DIPK2A: variants seen among roughly 807,000 people sequenced by gnomAD.
DIPK2A encodes Golgi Protein of 49 kDa.
Under a neutral mutation model 39.0 loss-of-function variants are expected in DIPK2A, and 27 were observed. That is an observed-to-expected ratio of 0.69 (90% CI 0.51 to 0.96). DIPK2A has a LOEUF of 0.96. Among genes scored for constraint, DIPK2A ranks in the 40% least tolerant of loss-of-function variants. The pLI is 0.00. For synonymous variants in DIPK2A, 298 were observed against 240.8 expected, an observed-to-expected ratio of 1.24 and a Z score of -2.20; for missense variants, 528 against 571.3, an observed-to-expected ratio of 0.92 and a Z score of 0.77.
Position 143,972,651 on chromosome 3 carries a change from G to A in DIPK2A, c.319G>A (p.Val107Met), listed in dbSNP as rs755514517. The change falls in exon 1 of 3, where the codon GTG becomes ATG. Residue 107 changes from valine to methionine, a missense_variant. Val to Met is a conservative substitution (Grantham distance 21). Coordinates refer to ENST00000315691, the MANE Select transcript of DIPK2A (RefSeq NM_173552.5). ...GEPREGGRRR[V>M]VLKRLGSQRE... ...GCCCCGCGAGGGCGGCCGCCGCCGA[G>A]TGGTGCTCAAGCGCCTCGGCTCGCA... 1.2e-6 allele frequency: 2 copies of A among 1,611,060 alleles called. No individual in the cohort carries two copies. Among genetic ancestry groups the A allele is most frequent in the African/African-American group, 2.7e-5 (2 of 74,830 alleles).
At chr3:143,989,396 T>C (rs1038973869) in intron 2 of DIPK2A, 114 bp from the exon 3 acceptor site, 1 of 663,556 alleles carries the variant, frequency 1.5e-6, no homozygotes, top group Admixed American at 3.0e-5. Context: ...TATAATATAC[T>C]TTTACCTAAA....
intron 2 of DIPK2A, 35 bp from the exon 3 acceptor site, chr3:143,989,475 A>C: frequency 6.9e-7 from 1 of 1,458,956 alleles, no homozygotes; most frequent in Non-Finnish European, 9.3e-7. Context: ...TATTTAAAAA[A>C]TTTTTTTCTA....
At chr3:143,985,479 C>A in intron 1 of DIPK2A, 64 bp from the exon 2 acceptor site, 1 of 1,372,680 alleles carries the variant, frequency 7.3e-7, no homozygotes, top group Non-Finnish European at 1.0e-6. Context: ...CTGAAAGGAT[C>A]TGAGGATAGA....
Position 143,972,740 on chromosome 3 carries a change from C to T in DIPK2A, c.408C>T (p.Asp136=), listed in dbSNP as rs1488526296. The change falls in exon 1 of 3, where the codon GAC becomes GAT. Residue 136 remains aspartate, a synonymous_variant. Coordinates refer to ENST00000315691, the MANE Select transcript of DIPK2A (RefSeq NM_173552.5). ...GGGCCACCGGCCGGCCCCGCTGCGA[C>T]CTGCTGCAGGCCATGCCCCGGACCG... is the stretch of plus-strand genomic sequence containing the variant. ...CKRATGRPRC[D]LLQAMPRTEF... is the part of the protein sequence containing the mutation. The T allele has an allele frequency of 2.5e-6, 4 of 1,584,586 alleles. No homozygotes were observed. Among genetic ancestry groups the T allele is most frequent in the East Asian group, 2.3e-5 (1 of 43,902 alleles).
Position 143,972,272 on chromosome 3 carries a change from T to C in DIPK2A, c.-61T>C. 7.5e-7 allele frequency: 1 copy of C among 1,332,620 alleles called. No homozygotes were observed. The highest frequency in any genetic ancestry group is 9.6e-7 in the Non-Finnish European group (1 of 1,044,208). 82.5% of individuals were successfully genotyped at this position (1,332,620 alleles called of 1,614,324 possible). ...GTTCCTGCCGGTAGCTCTCCGGGTC[T>C]TGGCGCGGCGGGGGCGCCCCGGGGG... On this transcript the variant is annotated 5_prime_UTR_variant, in exon 1 of 3. Coordinates refer to ENST00000315691, the MANE Select transcript of DIPK2A (RefSeq NM_173552.5).
intron 2 of DIPK2A, 97 bp downstream of exon 2, chr3:143,985,943 A>G: frequency 1.0e-6 from 1 of 970,338 alleles, no homozygotes. Flanking sequence ...TCCTCCTTAG[A>G]TGGCAACTTT....
chr3:143,973,086 G>C, intron 1 of DIPK2A, 97 bp downstream of exon 1: 2 of 1,436,836 alleles, frequency 1.4e-6, no homozygotes, highest in Non-Finnish European at 1.9e-6. Flanking sequence ...CCGCCAGTTC[G>C]GACTCGGCCG....
chr3:143,973,293 G>T (rs1336684923), intron 1 of DIPK2A: 5 of 1,495,310 alleles, frequency 3.3e-6, no homozygotes, highest in East Asian at 4.9e-5. Context: ...TCTCTACTGC[G>T]AGTTTCCTTC....
intron 1 of DIPK2A, among the ~76,000 whole-genome samples, chr3:143,983,136 T>G (rs2087848739): frequency 6.6e-6 from 1 of 152,074 alleles, no homozygotes; most frequent in African/African-American, 2.4e-5. Context: ...GTGGGAGACT[T>G]TAACACCCCA....
At chr3:143,981,253 A>AT (rs1371096959) in intron 1 of DIPK2A, among the ~76,000 whole-genome samples, 8 of 152,174 alleles carry the variant, frequency 5.3e-5, no homozygotes, top group African/African-American at 2.4e-5. Flanking sequence ...GAACATCAAG[A>AT]TTTTGACATG....
intron 1 of DIPK2A, 28 bp downstream of exon 1, chr3:143,973,017 T>C (rs757207979): frequency 1.3e-4 from 198 of 1,554,358 alleles, no homozygotes; most frequent in Non-Finnish European, 1.7e-4. Flanking sequence ...GCAGGGGGCG[T>C]CCTGGGAGGG....
intron 1 of DIPK2A, among the ~76,000 whole-genome samples, chr3:143,979,710 G>T (rs184690434): frequency 4.6e-5 from 7 of 152,038 alleles, no homozygotes; most frequent in Admixed American, 3.9e-4. Flanking sequence ...TTTGGTGGGG[G>T]CAGCATTTCT....
rs1559858295 is a variant in DIPK2A at position 143,990,016 on chromosome 3, A to T, written c.*175A>T. On this transcript the variant is annotated 3_prime_UTR_variant, in exon 3 of 3. Coordinates refer to ENST00000315691, the MANE Select transcript of DIPK2A (RefSeq NM_173552.5). ...AAAATAAGACATTACTTCAAAAATC[A>T]CATGATGCTTCTGCAAATAAGTATG... 1.7e-6 allele frequency: 1 copy of T among 597,964 alleles called. No individual in the cohort carries two copies. The highest frequency in any genetic ancestry group is 2.9e-6 in the Non-Finnish European group (1 of 340,502). The allele number at this position is 597,964 out of a possible 1,614,324, so 37.0% of individuals were successfully genotyped here.
At position 143,972,594 on chromosome 3, in the gene DIPK2A, G is replaced by A. The variant is rs1244479952; in HGVS notation, c.262G>A (p.Val88Met). Residue 88 changes from valine to methionine, a missense_variant, in exon 1 of 3, where the codon GTG becomes ATG. Physicochemically the swap from Val to Met is conservative, Grantham distance 21 (BLOSUM62 1). This residue lies in a region of DIPK2A where 309 missense variants were observed against 289.8 expected (regional missense o/e 1.07). Transcript: ENST00000315691. ...GRLRLLDFLN[V>M]KNVYFAQYGE... ...CTTGCGCCTGCTGGACTTCCTCAAC[G>A]TGAAGAACGTGTACTTCGCGCAGTA... 6.2e-7 allele frequency: 1 copy of A among 1,612,214 alleles called. No homozygotes were observed. Among genetic ancestry groups the A allele is most frequent in the Admixed American group, 1.7e-5 (1 of 60,012 alleles).
intron 1 of DIPK2A, among the ~76,000 whole-genome samples, chr3:143,977,247 T>C (rs996281094): frequency 1.1e-4 from 16 of 152,240 alleles, no homozygotes; most frequent in African/African-American, 3.4e-4. Flanking sequence ...TCCTTCTTTA[T>C]AAAATGAAGC....
intron 1 of DIPK2A, chr3:143,973,585 G>C (rs747258076): frequency 6.6e-7 from 1 of 1,509,576 alleles, no homozygotes; most frequent in South Asian, 1.2e-5. Flanking sequence ...TGTGAGCCGA[G>C]CTTTGGGTGG....
At chr3:143,987,011 C>A (rs1172323966) in intron 2 of DIPK2A, among the ~76,000 whole-genome samples, 1 of 152,106 alleles carries the variant, frequency 6.6e-6, no homozygotes, top group Non-Finnish European at 1.5e-5. Flanking sequence ...TGGCATGATC[C>A]TATTAAATAC....
intron 2 of DIPK2A, among the ~76,000 whole-genome samples, chr3:143,986,507 G>A (rs1360956159): frequency 6.6e-6 from 1 of 152,028 alleles, no homozygotes; most frequent in East Asian, 1.9e-4. Context: ...GGCGGATCAC[G>A]AGGTCAGGAG....
In DIPK2A at chr3:143,986,094, A is replaced by G. The variant is rs1200128074; in HGVS notation, c.961+248A>G. 1.1e-5 allele frequency: 5 copies of G among 453,004 alleles called. No homozygotes were observed. In the Admixed American group the frequency reaches 2.0e-4, roughly 18 times the overall value. 28.1% of individuals were successfully genotyped at this position (453,004 alleles called of 1,614,324 possible). A position where few individuals can be genotyped will look rare whatever the true frequency, so the allele number is the denominator to read the frequency against. On this transcript the variant is annotated intron_variant, in intron 2 of 2. Coordinates refer to ENST00000315691, the MANE Select transcript of DIPK2A (RefSeq NM_173552.5). ...AAATATATCTAACCTACGGGACATC[A>G]TAGCTTAGTCTTGCCTACCTTAGAC...
Sources: gnomAD v4.1 joint callset for allele counts (sites outside exome capture counted in the v4.1 genomes callset) on GRCh38, gnomAD v4.1.1 for gene constraint, gnomAD v4.1.1 regional missense constraint, MANE v1.5 for transcripts, NCBI Gene and HGNC (gene_info 2026-07-23, HGNC 2026-07-21) for gene names.